The following SOX11 variants were observed in gnomAD, a reference collection of about 807,000 sequenced individuals.
SOX11 encodes the protein SRY-box transcription factor 11.
Under a neutral mutation model 16.7 loss-of-function variants are expected in SOX11, and 5 were observed. That is an observed-to-expected ratio of 0.30 (90% CI 0.16 to 0.63). The LOEUF (loss-of-function observed/expected upper bound fraction) is 0.63, where lower values mean the gene tolerates loss of function less well. Ranked by LOEUF, SOX11 falls within the 20% of genes least tolerant of loss-of-function variation. The pLI, the probability that SOX11 is intolerant of heterozygous loss-of-function variation, is 0.82. For synonymous variants in SOX11, 363 were observed against 298.8 expected, an observed-to-expected ratio of 1.21 and a Z score of -2.22; for missense variants, 492 against 641.5, an observed-to-expected ratio of 0.77 and a Z score of 2.52.
rs895142651 is a variant in SOX11, at chr2:5,694,299, T to A, written c.*252T>A. On this transcript the variant is annotated 3_prime_UTR_variant, in exon 1 of 1. Coordinates refer to ENST00000322002, the MANE Select transcript of SOX11 (RefSeq NM_003108.4). ...ATGAGTAGTTTTTAAACATTTTTCCTGTCCTTTTTTTGTCCCCCCTCCCTT... is the reference window on the plus strand; with the variant it reads ...ATGAGTAGTTTTTAAACATTTTTCCAGTCCTTTTTTTGTCCCCCCTCCCTT... 2.0e-6 allele frequency: 1 copy of A among 497,830 alleles called. No individual in the cohort carries two copies. The highest frequency in any genetic ancestry group is 3.5e-6 in the Non-Finnish European group (1 of 282,036). The allele number at this position is 497,830 out of a possible 1,614,324, so 30.8% of individuals were successfully genotyped here.
At position 5,699,138 on chromosome 2, in the gene SOX11, G is replaced by C. The variant is rs1558376971; in HGVS notation, c.*5091G>C. 6.0e-6 allele frequency: 1 copy of C among 166,948 alleles called. No homozygotes were observed. Among genetic ancestry groups the C allele is most frequent in the Non-Finnish European group, 1.5e-5 (1 of 68,074 alleles). The allele number at this position is 166,948 out of a possible 1,614,324, so 10.3% of individuals were successfully genotyped here. A position where few individuals can be genotyped will look rare whatever the true frequency, so the allele number is the denominator to read the frequency against. The stretch of plus-strand genomic sequence containing the variant: ...TATAGAATCTTTATACTCTTTTACT[G>C]TGTGGTTCCCTGCTTTTAACAGATT... On this transcript the variant is annotated 3_prime_UTR_variant, in exon 1 of 1. Transcript: ENST00000322002.
In SOX11 at chr2:5,701,294, A is replaced by C. The variant is rs1295950290; in HGVS notation, c.*7247A>C. The C allele has an allele frequency of 1.2e-5, 2 of 167,046 alleles. No individual in the cohort carries two copies. Among genetic ancestry groups the C allele is most frequent in the African/African-American group, 4.8e-5 (2 of 41,432 alleles). 10.3% of individuals were successfully genotyped at this position (167,046 alleles called of 1,614,324 possible). On this transcript the variant is annotated 3_prime_UTR_variant, in exon 1 of 1. Coordinates refer to ENST00000322002, the MANE Select transcript of SOX11 (RefSeq NM_003108.4). Reference sequence around the variant, plus strand: ...GCAGTGTTAATGCTCAGGGTTGAAAATAGTACACTCCAATGTCTCTTTTGC... The same window carrying C: ...GCAGTGTTAATGCTCAGGGTTGAAACTAGTACACTCCAATGTCTCTTTTGC...
At position 5,693,570 on chromosome 2, in the gene SOX11, C is replaced by T; in HGVS notation, c.849C>T (p.Ser283=). The change falls in exon 1 of 1, where the codon AGC becomes AGT. Residue 283 remains serine (S), a synonymous_variant. Coordinates refer to ENST00000322002, the MANE Select transcript of SOX11 (RefSeq NM_003108.4). This position sits in a 1 kb window ranked among gnomAD's most constrained non-coding sequence, Gnocchi z 8.6. ...TGCCCGCCAGCCCTACGCTGAGCAG[C>T]TCGGCGGAGTCCCCCGAGGGAGCGA... The part of the protein sequence containing the change: ...AKVPASPTLS[S]SAESPEGASL... The T allele has an allele frequency of 1.9e-6, 3 of 1,561,554 alleles. No individual in the cohort carries two copies. Among genetic ancestry groups the T allele is most frequent in the Non-Finnish European group, 2.6e-6 (3 of 1,161,032 alleles).
In SOX11 at chr2:5,693,863, T is replaced by G. The variant is rs1188178837; in HGVS notation, c.1142T>G (p.Leu381Arg). The change falls in exon 1 of 1, where the codon CTG (leucine) becomes CGG (arginine). Residue 381 changes from leucine to arginine, a missense_variant. Leu to Arg is a moderately radical substitution (Grantham distance 102, BLOSUM62 -2). Coordinates refer to ENST00000322002, the MANE Select transcript of SOX11 (RefSeq NM_003108.4). The surrounding 1 kb of genome is among the most constrained non-coding windows in gnomAD (Gnocchi z 8.6). ...GCGCACAGCGCCAGCGAGCAGCAGC[T>G]GGGGGGCGGCGCGGCGGCCGGGAAC... is the stretch of plus-strand genomic sequence containing the variant. Reference protein sequence around the residue: ...QSAHSASEQQLGGGAAAGNLS... With the variant: ...QSAHSASEQQRGGGAAAGNLS... The G allele has an allele frequency of 6.4e-7, 1 of 1,551,082 alleles. No individual in the cohort carries two copies. Among genetic ancestry groups the G allele is most frequent in the African/African-American group, 1.4e-5 (1 of 72,996 alleles).
In SOX11 at chr2:5,693,726, C is replaced by G; in HGVS notation, c.1005C>G (p.Ser335=). ...CGCAGCCCGCGCTGTCGCCCGCGTC[C>G]TCGCGCTCGGTGTCCACCTCCTCGT... ...PLAQPALSPA[S]SRSVSTSSSS... is the part of the protein sequence containing the mutation. Residue 335 remains serine, a synonymous_variant, in exon 1 of 1, where the codon TCC becomes TCG. Transcript: ENST00000322002. This position sits in a 1 kb window ranked among gnomAD's most constrained non-coding sequence, Gnocchi z 8.6. 6.3e-7 allele frequency: 1 copy of G among 1,597,052 alleles called. No homozygotes were observed. The highest frequency in any genetic ancestry group is 8.5e-7 in the Non-Finnish European group (1 of 1,175,494).
chr2:5,692,752 G>T lies in SOX11; in HGVS notation c.31G>T (p.Glu11Ter), dbSNP rs756768286. The T allele has an allele frequency of 1.2e-6, 2 of 1,605,758 alleles. No homozygotes were observed. The highest frequency in any genetic ancestry group is 3.3e-5 in the Admixed American group (2 of 59,708). Residue 11 changes from glutamate to a stop codon, truncating the protein, a stop_gained, in exon 1 of 1, where the codon GAG becomes TAG. Coordinates refer to ENST00000322002, the MANE Select transcript of SOX11 (RefSeq NM_003108.4). LOFTEE classifies it low-confidence loss of function (END_TRUNC). Reference sequence around the variant, plus strand: ...GCAGCAGGCGGAGAGCTTGGAAGCGGAGAGCAACCTGCCCCGGGAGGCGCT... The same window carrying T: ...GCAGCAGGCGGAGAGCTTGGAAGCGTAGAGCAACCTGCCCCGGGAGGCGCT... MVQQAESLEA[E>*]SNLPREALDT...
In SOX11 at chr2:5,695,204, A is replaced by G. The variant is rs1347597682; in HGVS notation, c.*1157A>G. 8.3e-6 allele frequency: 1 copy of G among 120,320 alleles called. No homozygotes were observed. Among genetic ancestry groups the G allele is most frequent in the South Asian group, 2.8e-4 (1 of 3,536 alleles). The allele number at this position is 120,320 out of a possible 1,614,324, so 7.5% of individuals were successfully genotyped here. On this transcript the variant is annotated 3_prime_UTR_variant, in exon 1 of 1. Coordinates refer to ENST00000322002, the MANE Select transcript of SOX11 (RefSeq NM_003108.4). Reference sequence around the variant, plus strand: ...CTTGCATCTAAAGGCCTTGTGGTTTAAAAAAAAAAAGCAAACTTTTTTTTG... The same window carrying G: ...CTTGCATCTAAAGGCCTTGTGGTTTGAAAAAAAAAAGCAAACTTTTTTTTG...
chr2:5,692,578 G>T lies in SOX11; in HGVS notation c.-144G>T. ...CCGCTGTGTGCAGCCTGGAAGGGGG[G>T]GCGGGGGGGAGGGGGGGAGCCGCGA... On this transcript the variant is annotated 5_prime_UTR_variant, in exon 1 of 1. Coordinates refer to ENST00000322002, the MANE Select transcript of SOX11 (RefSeq NM_003108.4). The T allele has an allele frequency of 1.5e-6, 1 of 656,716 alleles. No homozygotes were observed. Among genetic ancestry groups the T allele is most frequent in the Non-Finnish European group, 2.5e-6 (1 of 397,896 alleles). 40.7% of individuals were successfully genotyped at this position (656,716 alleles called of 1,614,324 possible).
rs1019715226 is a variant in SOX11, at chr2:5,696,262, A to C, written c.*2215A>C. 1.5e-4 allele frequency: 25 copies of C among 167,588 alleles called. No homozygotes were observed. The highest frequency in any genetic ancestry group is 6.0e-4 in the African/African-American group (25 of 41,464). The allele number at this position is 167,588 out of a possible 1,614,324, so 10.4% of individuals were successfully genotyped here. A position where few individuals can be genotyped will look rare whatever the true frequency, so the allele number is the denominator to read the frequency against. ...CGCAGTGTTTGACCTCTAGCGGTGA[A>C]GGGGGAAGGGGAAGAGGAAAGGAGA... On this transcript the variant is annotated 3_prime_UTR_variant, in exon 1 of 1. Transcript: ENST00000322002.
In SOX11 at chr2:5,697,273, C is replaced by CT. The variant is rs1426015939; in HGVS notation, c.*3229dup. 5 of 167,086 alleles carry CT rather than the reference C, an allele frequency of 3.0e-5. No homozygotes were observed. Among genetic ancestry groups the CT allele is most frequent in the Non-Finnish European group, 7.3e-5 (5 of 68,156 alleles). The allele number at this position is 167,086 out of a possible 1,614,324, so 10.4% of individuals were successfully genotyped here. Reference sequence around the variant, plus strand: ...AACTCACTGCAAAATCACCACGACTCTTTCACCTACTGAGATGATTGACCG... The same window carrying CT: ...AACTCACTGCAAAATCACCACGACTCTTTTCACCTACTGAGATGATTGACCG... On this transcript the variant is annotated 3_prime_UTR_variant, in exon 1 of 1. Transcript: ENST00000322002.
Position 5,692,635 on chromosome 2 carries a change from C to G in SOX11, c.-87C>G. ...GGTGCCGAGGACTTTGCAACTTGCC[C>G]AGGAAGGTGGAGGGGTGGGAGGGGG... On this transcript the variant is annotated 5_prime_UTR_variant, in exon 1 of 1. Coordinates refer to ENST00000322002, the MANE Select transcript of SOX11 (RefSeq NM_003108.4). 2 of 1,109,770 alleles carry G rather than the reference C, an allele frequency of 1.8e-6. No homozygotes were observed. Among genetic ancestry groups the G allele is most frequent in the Non-Finnish European group, 2.5e-6 (2 of 811,058 alleles). The allele number at this position is 1,109,770 out of a possible 1,614,324, so 68.7% of individuals were successfully genotyped here.
rs5829022 is a variant in SOX11, at chr2:5,694,666, ATTTTTTTTTTTTTT to A, written c.*638_*651del. ...GACCATTGCAACTTTTGTTAATTTA[ATTTTTTTTTTTTTT>A]TTTTTTTTTTTTTTTTTTGGAGGGA... is the stretch of plus-strand genomic sequence containing the variant. On this transcript the variant is annotated 3_prime_UTR_variant, in exon 1 of 1. Transcript: ENST00000322002. 2.1e-4 allele frequency: 9 copies of A among 42,852 alleles called. No homozygotes were observed. Among genetic ancestry groups the A allele is most frequent in the Admixed American group, 9.4e-4 (2 of 2,130 alleles). The allele number at this position is 42,852 out of a possible 1,614,324, so 2.7% of individuals were successfully genotyped here.
At position 5,700,291 on chromosome 2, in the gene SOX11, G is replaced by GA. The variant is rs1665813144; in HGVS notation, c.*6250dup. On this transcript the variant is annotated 3_prime_UTR_variant, in exon 1 of 1. Coordinates refer to ENST00000322002, the MANE Select transcript of SOX11 (RefSeq NM_003108.4). ...ACTTGATTTTTTCTGCTGTGAAAAT[G>GA]AAAAAATAAAGCAATATGACAAAAA... 3 of 166,530 alleles carry GA rather than the reference G, an allele frequency of 1.8e-5. No individual in the cohort carries two copies. The allele number at this position is 166,530 out of a possible 1,614,324, so 10.3% of individuals were successfully genotyped here.
In SOX11 at chr2:5,697,240, C is replaced by T. The variant is rs1665752565; in HGVS notation, c.*3193C>T. 6.0e-6 allele frequency: 1 copy of T among 167,034 alleles called. No individual in the cohort carries two copies. The highest frequency in any genetic ancestry group is 2.4e-5 in the African/African-American group (1 of 41,470). The allele number at this position is 167,034 out of a possible 1,614,324, so 10.3% of individuals were successfully genotyped here. On this transcript the variant is annotated 3_prime_UTR_variant, in exon 1 of 1. Coordinates refer to ENST00000322002, the MANE Select transcript of SOX11 (RefSeq NM_003108.4). ...CCGCAGCGGAGGAGGTTTTCAGTGG[C>T]TGATTGAAACTCACTGCAAAATCAC...
rs1176296326 is a variant in SOX11 at position 5,693,780 on chromosome 2, C to T, written c.1059C>T (p.Ser353=). The T allele has an allele frequency of 4.5e-6, 7 of 1,568,940 alleles. No homozygotes were observed. Among genetic ancestry groups the T allele is most frequent in the Non-Finnish European group, 6.0e-6 (7 of 1,158,432 alleles). Residue 353 remains serine (S), a synonymous_variant, in exon 1 of 1, where the codon AGC becomes AGT. Transcript: ENST00000322002. The surrounding 1 kb of genome is among the most constrained non-coding windows in gnomAD (Gnocchi z 8.6). ...GCAGCAGCGGCAGCAGCAGCGGCAG[C>T]AGCGGCGAGGACGCCGACGACCTGA... The part of the protein sequence containing the change: ...SSSSSGSSSG[S]SGEDADDLMF...
rs1358115500 is a variant in SOX11 at position 5,698,858 on chromosome 2, G to A, written c.*4811G>A. 1 of 166,992 alleles carries A rather than the reference G, an allele frequency of 6.0e-6. No homozygotes were observed. Among genetic ancestry groups the A allele is most frequent in the Non-Finnish European group, 1.5e-5 (1 of 68,102 alleles). The allele number at this position is 166,992 out of a possible 1,614,324, so 10.3% of individuals were successfully genotyped here. On this transcript the variant is annotated 3_prime_UTR_variant, in exon 1 of 1. Coordinates refer to ENST00000322002, the MANE Select transcript of SOX11 (RefSeq NM_003108.4). ...CTGGGACTTGAAATCATAATCATCT[G>A]ATATTAGTACAGTACAAGAAATTTA...
Position 5,693,577 on chromosome 2 carries a change from G to T in SOX11, c.856G>T (p.Glu286Ter). The stretch of plus-strand genomic sequence containing the variant: ...CAGCCCTACGCTGAGCAGCTCGGCG[G>T]AGTCCCCCGAGGGAGCGAGCCTCTA... Reference protein sequence around the residue: ...PASPTLSSSAESPEGASLYDE... With the variant: ...PASPTLSSSA The change falls in exon 1 of 1, where the codon GAG (glutamate) becomes TAG (stop). Residue 286 changes from glutamate (E) to a stop codon, truncating the protein, a stop_gained. Transcript: ENST00000322002. LOFTEE classifies it high-confidence loss of function. This position sits in a 1 kb window ranked among gnomAD's most constrained non-coding sequence, Gnocchi z 8.6. The T allele has an allele frequency of 6.4e-7, 1 of 1,561,118 alleles. No individual in the cohort carries two copies. Among genetic ancestry groups the T allele is most frequent in the Non-Finnish European group, 8.6e-7 (1 of 1,160,890 alleles).
At position 5,700,931 on chromosome 2, in the gene SOX11, A is replaced by G. The variant is rs182507819; in HGVS notation, c.*6884A>G. On this transcript the variant is annotated 3_prime_UTR_variant, in exon 1 of 1. Transcript: ENST00000322002. ...GAAGTCTGAGTGGTTTGTGGGGGGGACCTTTTTTAGAGTTTGCATGCCAGC... is the reference window on the plus strand; with the variant it reads ...GAAGTCTGAGTGGTTTGTGGGGGGGGCCTTTTTTAGAGTTTGCATGCCAGC... The G allele has an allele frequency of 1.3e-3, 211 of 166,292 alleles. No homozygotes were observed. The highest frequency in any genetic ancestry group is 2.6e-3 in the Non-Finnish European group (178 of 68,050). The allele number at this position is 166,292 out of a possible 1,614,324, so 10.3% of individuals were successfully genotyped here. A position where few individuals can be genotyped will look rare whatever the true frequency, so the allele number is the denominator to read the frequency against.
rs1446950513 is a variant in SOX11 at position 5,697,975 on chromosome 2, TAAGTA to T, written c.*3931_*3935del. 1 of 167,136 alleles carries T rather than the reference TAAGTA, an allele frequency of 6.0e-6. No homozygotes were observed. The highest frequency in any genetic ancestry group is 2.4e-5 in the African/African-American group (1 of 41,466). The allele number at this position is 167,136 out of a possible 1,614,324, so 10.4% of individuals were successfully genotyped here. ...ATTTTCTGTGGTGAGGTGGAAACTT[TAAGTA>T]AATTAGTAAAGTAATAATTTGGCTT... On this transcript the variant is annotated 3_prime_UTR_variant, in exon 1 of 1. Coordinates refer to ENST00000322002, the MANE Select transcript of SOX11 (RefSeq NM_003108.4).
Sources: gnomAD v4.1 joint callset for allele counts on GRCh38, gnomAD v4.1.1 for gene constraint, Gnocchi (gnomAD v3.1) non-coding constraint, MANE v1.5 for transcripts, NCBI Gene and HGNC (gene_info 2026-07-23, HGNC 2026-07-21) for gene names.